SGCZ: variants seen among roughly 807,000 people sequenced by gnomAD.
SGCZ encodes zeta-sarcoglycan.
A neutral mutation model predicts 41.3 loss-of-function variants in SGCZ; 40 were observed. The ratio of observed to expected loss-of-function variants is 0.97; its 90% CI spans 0.75 to 1.26. The LOEUF (loss-of-function observed/expected upper bound fraction) is 1.26. Among genes scored for constraint, SGCZ ranks in the 50% most tolerant of loss-of-function variants. SGCZ has a pLI of 0.00. For missense variants in SGCZ, 552 were observed against 369.8 expected (o/e 1.49, Z -4.04); for synonymous variants, 206 against 137.5 (o/e 1.50, Z -3.49).
In SGCZ at chr8:14,564,671, C is replaced by T. The variant is rs367956616; in HGVS notation, c.40-9745G>A. Reference sequence around the variant, plus strand: ...GTAGAAGTATTTTTATTGGAATTAACTTTTAAAGACATGGTTGAAATAGAA... The same window carrying T: ...GTAGAAGTATTTTTATTGGAATTAATTTTTAAAGACATGGTTGAAATAGAA... On this transcript the variant is annotated intron_variant, in intron 1 of 7. Transcript: ENST00000382080. Among the ~76,000 whole-genome samples the T allele has an allele frequency of 1.1e-3, 167 of 152,266 alleles. 1 individual carries two copies. Among genetic ancestry groups the T allele is most frequent in the Middle Eastern group, 0.01 (3 of 294 alleles).
intron 1 of SGCZ, among the ~76,000 whole-genome samples, chr8:14,863,173 C>T (rs561364118): frequency 6.6e-6 from 1 of 152,220 alleles, no homozygotes; most frequent in African/African-American, 2.4e-5. Context: ...GGCCTTATAC[C>T]AAACTCTTAA....
chr8:15,012,405 G>A (rs1026356321), intron 1 of SGCZ, among the ~76,000 whole-genome samples: 8 of 150,190 alleles, frequency 5.3e-5, no homozygotes, highest in Non-Finnish European at 8.9e-5. Context: ...TCATGCTGCA[G>A]TGAGCTATGA....
intron 2 of SGCZ, among the ~76,000 whole-genome samples, chr8:14,369,854 T>C (rs892746045): frequency 6.6e-6 from 1 of 152,026 alleles, no homozygotes; most frequent in East Asian, 1.9e-4. Flanking sequence ...ACTTAGCATA[T>C]AATTAGGCAA....
chr8:14,974,556 C>A (rs367664009), intron 1 of SGCZ, among the ~76,000 whole-genome samples: 1 of 152,120 alleles, frequency 6.6e-6, no homozygotes, highest in South Asian at 2.1e-4. Context: ...ACTTCCAAAG[C>A]CCAGACCACA....
chr8:14,142,131 C>A (rs561233006), intron 5 of SGCZ, among the ~76,000 whole-genome samples: 3 of 152,204 alleles, frequency 2.0e-5, no homozygotes, highest in East Asian at 1.9e-4. Flanking sequence ...AGCACTTGGA[C>A]ACAGGGTGGG....
intron 2 of SGCZ, among the ~76,000 whole-genome samples, chr8:14,337,722 G>T (rs1205645240): frequency 6.6e-6 from 1 of 152,142 alleles, no homozygotes; most frequent in Non-Finnish European, 1.5e-5. Flanking sequence ...CAATTATCAA[G>T]GCCATTAAAA....
At chr8:14,939,380 T>C (rs1160088825) in intron 1 of SGCZ, among the ~76,000 whole-genome samples, 1 of 152,152 alleles carries the variant, frequency 6.6e-6, no homozygotes, top group Non-Finnish European at 1.5e-5. Context: ...TGGTCAGGAT[T>C]GAAATTCCCT....
At chr8:15,236,013 T>C (rs559229885) in intron 1 of SGCZ, among the ~76,000 whole-genome samples, 1 of 152,340 alleles carries the variant, frequency 6.6e-6, no homozygotes, top group East Asian at 1.9e-4. Context: ...AGGAAACTTC[T>C]AGCCCAGGCC....
rs540520526 is a variant in SGCZ, at chr8:14,370,824, T to C, written c.235-46620A>G. ...CAATCATTAATAAAACTCATAGTTT[T>C]TGGTAAAAATTTAAATTGATTAATA... On this transcript the variant is annotated intron_variant, in intron 2 of 7. Coordinates refer to ENST00000382080, the MANE Select transcript of SGCZ (RefSeq NM_139167.4). Among the ~76,000 whole-genome samples, 226 of 152,046 alleles carry C rather than the reference T, an allele frequency of 1.5e-3. 2 individuals carry two copies. Among genetic ancestry groups the C allele is most frequent in the African/African-American group, 4.9e-3 (205 of 41,540 alleles).
intron 1 of SGCZ, among the ~76,000 whole-genome samples, chr8:15,035,805 C>G (rs1235645759): frequency 6.6e-6 from 1 of 151,950 alleles, no homozygotes; most frequent in Non-Finnish European, 1.5e-5. Context: ...AATATATATG[C>G]ACTTAATATT....
intron 1 of SGCZ, among the ~76,000 whole-genome samples, chr8:14,566,871 G>T (rs1455459261): frequency 6.6e-6 from 1 of 152,188 alleles, no homozygotes; most frequent in African/African-American, 2.4e-5. Flanking sequence ...TTGCGGGCCA[G>T]TGCGAGTTCC....
intron 5 of SGCZ, among the ~76,000 whole-genome samples, chr8:14,146,127 G>A (rs1428290184): frequency 6.6e-6 from 1 of 152,042 alleles, no homozygotes; most frequent in Non-Finnish European, 1.5e-5. Context: ...CCAAAGAAGG[G>A]TTAAACTCTC....
chr8:14,198,869 A>G (rs150957651), intron 4 of SGCZ, among the ~76,000 whole-genome samples: 8 of 152,170 alleles, frequency 5.3e-5, no homozygotes, highest in South Asian at 4.1e-4. Context: ...CACTTCCCCA[A>G]TCAATACTCT....
intron 1 of SGCZ, among the ~76,000 whole-genome samples, chr8:14,970,567 CT>C (rs1801257914): frequency 6.6e-6 from 1 of 152,028 alleles, no homozygotes; most frequent in Non-Finnish European, 1.5e-5. Context: ...AAAGACTTAC[CT>C]TTGTAGAATT....
chr8:15,216,140 G>C (rs561148401), intron 1 of SGCZ, among the ~76,000 whole-genome samples: 1 of 151,948 alleles, frequency 6.6e-6, no homozygotes, highest in Non-Finnish European at 1.5e-5. Context: ...GCATTCTCTG[G>C]GGATATGGTT....
chr8:14,574,076 T>C (rs1234955356), intron 1 of SGCZ, among the ~76,000 whole-genome samples: 2 of 152,130 alleles, frequency 1.3e-5, no homozygotes, highest in East Asian at 1.9e-4. Context: ...ACATGAGTAA[T>C]AGATGCTCTA....
chr8:15,024,661 G>A (rs959480568), intron 1 of SGCZ, among the ~76,000 whole-genome samples: 2 of 152,102 alleles, frequency 1.3e-5, no homozygotes, highest in Admixed American at 6.5e-5. Flanking sequence ...TGGTCAGGCC[G>A]GGTGGTGGCT....
At chr8:14,155,898 T>C (rs1456559212) in intron 5 of SGCZ, among the ~76,000 whole-genome samples, 1 of 152,098 alleles carries the variant, frequency 6.6e-6, no homozygotes, top group Non-Finnish European at 1.5e-5. Flanking sequence ...TACAAACCTG[T>C]ACAGCATGTT....
At chr8:14,342,819 A>G (rs1004060317) in intron 2 of SGCZ, among the ~76,000 whole-genome samples, 6 of 152,220 alleles carry the variant, frequency 3.9e-5, no homozygotes, top group Admixed American at 2.0e-4. Flanking sequence ...CCTAGTGTTA[A>G]TCACCAAGAC....
Sources: gnomAD v4.1 joint callset for allele counts (sites outside exome capture counted in the v4.1 genomes callset) on GRCh38, gnomAD v4.1.1 for gene constraint, MANE v1.5 for transcripts, NCBI Gene and HGNC (gene_info 2026-07-23, HGNC 2026-07-21) for gene names.